The following MTUS2 variants were observed in gnomAD, a reference collection of about 807,000 sequenced individuals.
The protein encoded by MTUS2 is microtubule associated scaffold protein 2, also known as microtubule-associated tumor suppressor candidate 2.
A neutral mutation model predicts 114.1 loss-of-function variants in MTUS2; 40 were observed. The ratio of observed to expected loss-of-function variants is 0.35; its 90% confidence interval spans 0.27 to 0.46. MTUS2 has a LOEUF of 0.46. Among genes scored for constraint, MTUS2 ranks in the 20% least tolerant of loss-of-function variants. The pLI is 1.00. For synonymous variants in MTUS2, 688 were observed against 672.0 expected (o/e 1.02, Z -0.37); for missense variants, 1,679 against 1,705.4 (o/e 0.98, Z 0.27).
chr13:29,113,854 AT>A (rs1890977681), intron 5 of MTUS2, among the ~76,000 whole-genome samples: 1 of 152,040 alleles, frequency 6.6e-6, no homozygotes, highest in East Asian at 1.9e-4. Flanking sequence ...TTGAAATGTA[AT>A]CCCCAGTGTT....
intron 5 of MTUS2, among the ~76,000 whole-genome samples, chr13:29,113,250 C>T (rs1376000672): frequency 6.6e-6 from 1 of 152,198 alleles, no homozygotes; most frequent in Non-Finnish European, 1.5e-5. Context: ...CCTGAGCCTG[C>T]TCTGTCTGCC....
In MTUS2 at chr13:29,336,333, C is replaced by T. The variant is rs755667108; in HGVS notation, c.2905+11622C>T. ...CCTTCCGATGGGGTTTTTGTGTGGACGTCCTTTTTGTTGATGTTATGCTAT... is the reference window on the plus strand; with the variant it reads ...CCTTCCGATGGGGTTTTTGTGTGGATGTCCTTTTTGTTGATGTTATGCTAT... On this transcript the variant is annotated intron_variant, in intron 7 of 15. Coordinates refer to ENST00000612955, the MANE Select transcript of MTUS2 (RefSeq NM_001033602.4). Among the ~76,000 whole-genome samples the T allele has an allele frequency of 9.9e-5, 15 of 152,100 alleles. No homozygotes were observed. The South Asian group carries it at 1.0e-3, about 10-fold the overall frequency.
chr13:29,334,909 C>T (rs1026130215), intron 7 of MTUS2, among the ~76,000 whole-genome samples: 18 of 152,166 alleles, frequency 1.2e-4, no homozygotes, highest in East Asian at 7.7e-4. Context: ...CTGTCATCTT[C>T]GTAAGCTCAG....
At chr13:28,835,483 T>C (rs1441714478) in intron 1 of MTUS2, among the ~76,000 whole-genome samples, 1 of 152,216 alleles carries the variant, frequency 6.6e-6, no homozygotes, top group Non-Finnish European at 1.5e-5. Context: ...GATTACTGGT[T>C]GTCAGGGACT....
At chr13:29,300,407 T>C (rs377269497) in intron 6 of MTUS2, among the ~76,000 whole-genome samples, 2 of 152,178 alleles carry the variant, frequency 1.3e-5, no homozygotes, top group East Asian at 3.9e-4. Context: ...CTATGGGAGC[T>C]TGTCCAACAG....
intron 2 of MTUS2, among the ~76,000 whole-genome samples, chr13:28,993,654 T>C (rs1884959237): frequency 6.6e-6 from 1 of 152,154 alleles, no homozygotes; most frequent in East Asian, 1.9e-4. Context: ...CAGCACCATT[T>C]ATTGAATAGA....
At chr13:29,057,544 A>G (rs1045245344) in intron 4 of MTUS2, among the ~76,000 whole-genome samples, 3 of 152,126 alleles carry the variant, frequency 2.0e-5, no homozygotes, top group Non-Finnish European at 4.4e-5. Flanking sequence ...CTCTGCCATT[A>G]TGTAATGACC....
rs149037415 is a variant in MTUS2, at chr13:28,969,783, G to A, written c.-242-54674G>A. On this transcript the variant is annotated intron_variant, in intron 2 of 15. Transcript: ENST00000612955. ...CTCCCAAAGTGCTGGGATTACAGGC[G>A]TGAGCCACTGCGCCCGGCTGAAGTT... Among the ~76,000 whole-genome samples the A allele has an allele frequency of 2.1e-3, 311 of 148,248 alleles. 4 individuals carry two copies. Among genetic ancestry groups the A allele is most frequent in the Non-Finnish European group, 3.9e-3 (264 of 67,122 alleles).
intron 4 of MTUS2, among the ~76,000 whole-genome samples, chr13:29,062,931 G>C (rs547286295): frequency 6.6e-6 from 1 of 152,288 alleles, no homozygotes; most frequent in African/African-American, 2.4e-5. Context: ...TCATTTTCGT[G>C]TTTTTGAATC....
At chr13:29,394,748 GCAAGCTTTA>G (rs570521857) in intron 8 of MTUS2, among the ~76,000 whole-genome samples, 289 of 152,326 alleles carry the variant, frequency 1.9e-3, no homozygotes, top group African/African-American at 6.7e-3. Flanking sequence ...GTGGGCGAGC[GCAAGCTTTA>G]CCTCCTGAGC....
intron 2 of MTUS2, among the ~76,000 whole-genome samples, chr13:28,866,095 C>G (rs1329221737): frequency 6.6e-6 from 1 of 152,100 alleles, no homozygotes; most frequent in Non-Finnish European, 1.5e-5. Flanking sequence ...TTCATGAGGA[C>G]AGGATTTTCG....
chr13:28,894,332 GA>G, intron 2 of MTUS2, among the ~76,000 whole-genome samples: 2 of 75,026 alleles, frequency 2.7e-5, no homozygotes, highest in East Asian at 3.4e-4. Flanking sequence ...GAGGGAGGGA[GA>G]GAGAGAGAGA....
At chr13:28,892,666 C>T (rs1879002734) in intron 2 of MTUS2, among the ~76,000 whole-genome samples, 1 of 152,100 alleles carries the variant, frequency 6.6e-6, no homozygotes, top group Non-Finnish European at 1.5e-5. Context: ...TCCTTCTTGA[C>T]ACTTCTCTTT....
At chr13:29,450,002 C>G (rs1327803583) in intron 9 of MTUS2, among the ~76,000 whole-genome samples, 1 of 152,226 alleles carries the variant, frequency 6.6e-6, no homozygotes, top group African/African-American at 2.4e-5. Context: ...AGCCACTGTC[C>G]TATGACCGCA....
intron 5 of MTUS2, among the ~76,000 whole-genome samples, chr13:29,182,410 A>G (rs1363710932): frequency 1.3e-5 from 2 of 152,268 alleles, no homozygotes; most frequent in Admixed American, 6.5e-5. Flanking sequence ...CATGTGTAAC[A>G]TGTACGTAGT....
intron 2 of MTUS2, among the ~76,000 whole-genome samples, chr13:28,949,123 A>C (rs187711886): frequency 1.3e-5 from 2 of 152,194 alleles, no homozygotes; most frequent in Non-Finnish European, 2.9e-5. Context: ...TCTTTGTTGC[A>C]CAGAAAGGGA....
At position 29,347,881 on chromosome 13, in the gene MTUS2, G is replaced by A. The variant is rs181516521; in HGVS notation, c.2906-11381G>A. Among the ~76,000 whole-genome samples the A allele has an allele frequency of 1.2e-3, 182 of 150,370 alleles. 5 individuals carry two copies. Among genetic ancestry groups the A allele is most frequent in the Admixed American group, 1.8e-3 (27 of 14,940 alleles). On this transcript the variant is annotated intron_variant, in intron 7 of 15. Coordinates refer to ENST00000612955, the MANE Select transcript of MTUS2 (RefSeq NM_001033602.4). The stretch of plus-strand genomic sequence containing the variant: ...GGAAACATCTTACTTACATTTACCA[G>A]TTTATTATAAAAGATATGATAAAGG...
At chr13:28,927,084 A>G (rs377262233) in intron 2 of MTUS2, among the ~76,000 whole-genome samples, 1 of 152,222 alleles carries the variant, frequency 6.6e-6, no homozygotes, top group African/African-American at 2.4e-5. Context: ...ACCAGGTGCT[A>G]TAGCATTTAT....
intron 5 of MTUS2, among the ~76,000 whole-genome samples, chr13:29,262,801 A>C (rs1162577936): frequency 1.3e-5 from 2 of 152,104 alleles, no homozygotes; most frequent in African/African-American, 2.4e-5. Flanking sequence ...AAGGCTTGCT[A>C]TAGGGGCTTG....
Sources: allele counts gnomAD v4.1 joint callset (sites outside exome capture counted in the v4.1 genomes callset), GRCh38; gene constraint gnomAD v4.1.1; transcripts MANE v1.5; gene names NCBI Gene and HGNC (gene_info 2026-07-23, HGNC 2026-07-21).